The following GNAO1 variants were observed in gnomAD, a reference collection of about 807,000 sequenced individuals.
The protein encoded by GNAO1 is guanine nucleotide-binding protein G(o) subunit alpha.
For missense variants in GNAO1, 166 were observed against 478.7 expected (o/e 0.35, Z 6.10); for synonymous variants, 164 against 180.7 (o/e 0.91, Z 0.74).
At chr16:56,342,190 C>T (rs1380322770) in intron 6 of GNAO1, among the ~76,000 whole-genome samples, 3 of 152,168 alleles carry the variant, frequency 2.0e-5, no homozygotes, top group African/African-American at 7.2e-5. Flanking sequence ...CAGGTGGGGT[C>T]GGTCAGTTAC....
At chr16:56,194,121 A>G (rs932498966) in intron 2 of GNAO1, 13 of 456,350 alleles carry the variant, frequency 2.8e-5, no homozygotes, top group African/African-American at 1.4e-4. Flanking sequence ...CTCGGAGACA[A>G]TTTTCCCATC....
At chr16:56,263,108 C>T (rs527639950) in intron 2 of GNAO1, among the ~76,000 whole-genome samples, 8 of 152,332 alleles carry the variant, frequency 5.3e-5, no homozygotes, top group African/African-American at 1.7e-4. Context: ...TAGTTACAAT[C>T]ACAAGGAAAG....
At chr16:56,222,807 C>T (rs992723168) in intron 2 of GNAO1, among the ~76,000 whole-genome samples, 12 of 152,122 alleles carry the variant, frequency 7.9e-5, no homozygotes, top group East Asian at 7.7e-4. Context: ...CAATGTGACA[C>T]GGCTTTGCTG....
At chr16:56,318,318 A>G (rs2037534413) in intron 3 of GNAO1, among the ~76,000 whole-genome samples, 1 of 152,192 alleles carries the variant, frequency 6.6e-6, no homozygotes, top group South Asian at 2.1e-4. Context: ...CTGGAATTGT[A>G]GTGGCCAGGC....
At chr16:56,279,547 G>C (rs577766925) in intron 3 of GNAO1, among the ~76,000 whole-genome samples, 4 of 152,072 alleles carry the variant, frequency 2.6e-5, no homozygotes, top group Non-Finnish European at 4.4e-5. Context: ...CCTCTTCCAC[G>C]TGGAACTGCC....
intron 2 of GNAO1, among the ~76,000 whole-genome samples, chr16:56,217,010 G>A (rs2036442321): frequency 6.6e-6 from 1 of 152,258 alleles, no homozygotes; most frequent in Non-Finnish European, 1.5e-5. Context: ...ATTGCTGGGA[G>A]CAAGGGTCTC....
intron 3 of GNAO1, among the ~76,000 whole-genome samples, chr16:56,319,134 G>A (rs1274903121): frequency 6.6e-6 from 1 of 152,156 alleles, no homozygotes; most frequent in African/African-American, 2.4e-5. Context: ...AGCTTACATT[G>A]CCATGAAGAG....
At chr16:56,345,861 A>T in intron 6 of GNAO1, 1 of 985,486 alleles carries the variant, frequency 1.0e-6, no homozygotes, top group Non-Finnish European at 1.2e-6. Flanking sequence ...AGCCGGCAAA[A>T]GGGGGATGCT....
chr16:56,205,627 C>T (rs1337726674), intron 2 of GNAO1, among the ~76,000 whole-genome samples: 1 of 152,154 alleles, frequency 6.6e-6, no homozygotes, highest in Non-Finnish European at 1.5e-5. Flanking sequence ...GACCACATGG[C>T]CCTTGCTATT....
chr16:56,276,641 A>G (rs918079042), intron 3 of GNAO1: 1 of 152,940 alleles, frequency 6.5e-6, no homozygotes, highest in African/African-American at 2.4e-5. Flanking sequence ...CCAGTCTTCT[A>G]TTAAGTGGTG....
intron 3 of GNAO1, among the ~76,000 whole-genome samples, chr16:56,292,307 A>G (rs1269112699): frequency 1.3e-5 from 2 of 152,200 alleles, no homozygotes; most frequent in African/African-American, 4.8e-5. Context: ...CCCCAGAACA[A>G]TCTCAAAAGA....
intron 6 of GNAO1, chr16:56,340,840 A>T (rs1299928666): frequency 3.7e-6 from 6 of 1,613,728 alleles, no homozygotes; most frequent in Non-Finnish European, 4.2e-6. Flanking sequence ...GCAGAACCGC[A>T]TGCACGAATC....
At chr16:56,328,588 C>T (rs886242865) in intron 3 of GNAO1, 43 bp from the exon 4 acceptor site, 4 of 1,599,642 alleles carry the variant, frequency 2.5e-6, no homozygotes, top group Middle Eastern at 1.7e-4. Flanking sequence ...GGTCTTCTGT[C>T]CCCACCAAAG....
intron 2 of GNAO1, among the ~76,000 whole-genome samples, chr16:56,229,371 AT>A (rs1177237984): frequency 6.6e-6 from 1 of 151,684 alleles, no homozygotes; most frequent in Non-Finnish European, 1.5e-5. Context: ...CGCCTGACTA[AT>A]TTTTTTTGTA....
chr16:56,214,889 G>A (rs2036424670), intron 2 of GNAO1, among the ~76,000 whole-genome samples: 1 of 152,226 alleles, frequency 6.6e-6, no homozygotes, highest in Non-Finnish European at 1.5e-5. Flanking sequence ...TCTGGGTCCG[G>A]TGCATAAAGT....
intron 3 of GNAO1, among the ~76,000 whole-genome samples, chr16:56,305,879 T>C (rs1255746041): frequency 6.6e-6 from 1 of 152,214 alleles, no homozygotes; most frequent in African/African-American, 2.4e-5. Flanking sequence ...TTAATCTCTA[T>C]AAGGACGCCA....
At chr16:56,273,369 C>T (rs1371959388) in intron 2 of GNAO1, among the ~76,000 whole-genome samples, 1 of 152,058 alleles carries the variant, frequency 6.6e-6, no homozygotes, top group Non-Finnish European at 1.5e-5. Context: ...TTGATATTCC[C>T]TTTTGTTCTT....
At chr16:56,337,581 C>G (rs2037755116) in intron 6 of GNAO1, among the ~76,000 whole-genome samples, 1 of 152,256 alleles carries the variant, frequency 6.6e-6, no homozygotes, top group South Asian at 2.1e-4. Context: ...TACTCACTGG[C>G]TTGCTGCTGA....
intron 2 of GNAO1, among the ~76,000 whole-genome samples, chr16:56,223,045 C>T (rs2143372705): frequency 6.6e-6 from 1 of 152,254 alleles, no homozygotes; most frequent in East Asian, 1.9e-4. Flanking sequence ...TTTCAATTGG[C>T]CACAGATTTT....
Sources: allele counts gnomAD v4.1 joint callset (sites outside exome capture counted in the v4.1 genomes callset), GRCh38; gene constraint gnomAD v4.1.1; transcripts MANE v1.5; gene names NCBI Gene and HGNC (gene_info 2026-07-23, HGNC 2026-07-21).